Variants in LRRTM4 observed in about 807,000 individuals in gnomAD.
LRRTM4 encodes leucine rich repeat transmembrane neuronal 4.
Under a neutral mutation model 47.6 loss-of-function variants are expected in LRRTM4, and 25 were observed. The observed-to-expected ratio is 0.53, with a 90% CI of 0.38 to 0.73. The LOEUF (loss-of-function observed/expected upper bound fraction) is 0.73. Ranked by LOEUF, LRRTM4 falls within the 30% of genes least tolerant of loss-of-function variation. The pLI is 0.00. For synonymous variants in LRRTM4, 311 were observed against 269.5 expected (o/e 1.15, Z -1.51); for missense variants, 638 against 713.4 (o/e 0.89, Z 1.20).
At chr2:77,343,033 C>A (rs1327632861) in intron 3 of LRRTM4, among the ~76,000 whole-genome samples, 1 of 151,916 alleles carries the variant, frequency 6.6e-6, no homozygotes, top group East Asian at 1.9e-4. Context: ...TGCAGTAAGA[C>A]AGTTTGAAGT....
At chr2:77,496,635 A>T (rs1230439486) in intron 3 of LRRTM4, among the ~76,000 whole-genome samples, 3 of 151,766 alleles carry the variant, frequency 2.0e-5, no homozygotes, top group Non-Finnish European at 4.4e-5. Context: ...TGCTATACTG[A>T]CCTAGCATTC....
intron 3 of LRRTM4, chr2:77,517,180 G>C (rs561410216): frequency 1.0e-6 from 1 of 984,922 alleles, no homozygotes; most frequent in Non-Finnish European, 1.2e-6. Flanking sequence ...TGAAATTTGT[G>C]ACTATTTGTC....
intron 3 of LRRTM4, among the ~76,000 whole-genome samples, chr2:77,195,110 C>T (rs1234902873): frequency 6.6e-6 from 1 of 151,736 alleles, no homozygotes; most frequent in Non-Finnish European, 1.5e-5. Context: ...AACAATATCC[C>T]TTTGGTTTCA....
chr2:77,021,467 A>G (rs1460967909), intron 3 of LRRTM4, among the ~76,000 whole-genome samples: 2 of 152,176 alleles, frequency 1.3e-5, no homozygotes, highest in Admixed American at 6.5e-5. Context: ...TGCCCATGTG[A>G]CATATTTTGG....
chr2:76,845,625 C>T (rs1671816591), intron 3 of LRRTM4, among the ~76,000 whole-genome samples: 1 of 152,124 alleles, frequency 6.6e-6, no homozygotes, highest in Non-Finnish European at 1.5e-5. Context: ...ATATATTCTT[C>T]TGTATTAAGG....
intron 3 of LRRTM4, among the ~76,000 whole-genome samples, chr2:76,992,605 C>A (rs569952319): frequency 5.3e-5 from 8 of 151,576 alleles, no homozygotes; most frequent in South Asian, 4.1e-4. Flanking sequence ...CTACAAAACA[C>A]TGCTGAAAGA....
At chr2:77,359,987 A>G (rs1170641428) in intron 3 of LRRTM4, among the ~76,000 whole-genome samples, 1 of 152,166 alleles carries the variant, frequency 6.6e-6, no homozygotes, top group Admixed American at 6.5e-5. Flanking sequence ...TAGAACATGA[A>G]GTCTTCTCTG....
chr2:76,790,930 G>A (rs1674938822), intron 3 of LRRTM4, among the ~76,000 whole-genome samples: 1 of 152,136 alleles, frequency 6.6e-6, no homozygotes, highest in South Asian at 2.1e-4. Flanking sequence ...AGCTGTTATA[G>A]TGGAAGAATG....
intron 3 of LRRTM4, among the ~76,000 whole-genome samples, chr2:77,125,549 A>C (rs905031675): frequency 1.3e-5 from 2 of 152,204 alleles, no homozygotes; most frequent in Admixed American, 1.3e-4. Flanking sequence ...AAAGTAAACG[A>C]GGACCATCTT....
At chr2:77,095,285 C>A (rs1260706501) in intron 3 of LRRTM4, among the ~76,000 whole-genome samples, 1 of 152,042 alleles carries the variant, frequency 6.6e-6, no homozygotes, top group Non-Finnish European at 1.5e-5. Flanking sequence ...TGTGGAGGAA[C>A]CTCTGTATCT....
chr2:77,170,779 C>A (rs1001220747), intron 3 of LRRTM4, among the ~76,000 whole-genome samples: 1 of 93,366 alleles, frequency 1.1e-5, no homozygotes, highest in Non-Finnish European at 2.4e-5. Context: ...ATAGGAATTT[C>A]TTTCTTAGTT....
intron 3 of LRRTM4, among the ~76,000 whole-genome samples, chr2:77,149,877 T>A (rs918961345): frequency 6.6e-6 from 1 of 152,144 alleles, no homozygotes; most frequent in Non-Finnish European, 1.5e-5. Context: ...CTGATAGAGC[T>A]CTCTCCTTGG....
chr2:77,016,420 C>A (rs111376956), intron 3 of LRRTM4, among the ~76,000 whole-genome samples: 2 of 149,910 alleles, frequency 1.3e-5, no homozygotes, highest in African/African-American at 4.9e-5. Flanking sequence ...AGAAGATGGG[C>A]AAAAGAAACA....
chr2:77,228,845 A>T (rs575450446), intron 3 of LRRTM4, among the ~76,000 whole-genome samples: 10 of 152,166 alleles, frequency 6.6e-5, no homozygotes, highest in Non-Finnish European at 1.5e-4. Context: ...ACATCTGGGA[A>T]TTACCTTAGA....
At chr2:77,331,079 C>G (rs1670955235) in intron 3 of LRRTM4, among the ~76,000 whole-genome samples, 2 of 152,058 alleles carry the variant, frequency 1.3e-5, no homozygotes, top group African/African-American at 4.8e-5. Flanking sequence ...AAAGGTGCAA[C>G]TGGTGGGTGG....
chr2:77,338,317 G>A (rs763620274), intron 3 of LRRTM4, among the ~76,000 whole-genome samples: 5 of 151,792 alleles, frequency 3.3e-5, no homozygotes, highest in African/African-American at 7.3e-5. Context: ...CTACAGAAAG[G>A]GAGAAAATAC....
intron 3 of LRRTM4, among the ~76,000 whole-genome samples, chr2:76,888,488 CT>C (rs1446338578): frequency 6.6e-6 from 1 of 151,164 alleles, no homozygotes; most frequent in Non-Finnish European, 1.5e-5. Context: ...ATAAGTTTTC[CT>C]TTTTAAAATA....
At position 77,225,130 on chromosome 2, in the gene LRRTM4, G is replaced by A. The variant is rs189368988; in HGVS notation, c.1551+293188C>T. Among the ~76,000 whole-genome samples the A allele has an allele frequency of 1.9e-3, 275 of 145,488 alleles. 3 individuals carry two copies. Among genetic ancestry groups the A allele is most frequent in the African/African-American group, 6.7e-3 (262 of 39,328 alleles). ...ATCACAAGGACAAAAAGCAAACACC[G>A]CATGTTCTCACTCATAGGTGGGAAT... On this transcript the variant is annotated intron_variant, in intron 3 of 3. Transcript: ENST00000409884.
At chr2:77,121,354 A>G (rs943307630) in intron 3 of LRRTM4, among the ~76,000 whole-genome samples, 1 of 151,860 alleles carries the variant, frequency 6.6e-6, no homozygotes, top group Non-Finnish European at 1.5e-5. Context: ...AGACAAGAAC[A>G]TAGCATAATA....
Sources: allele counts gnomAD v4.1 joint callset (sites outside exome capture counted in the v4.1 genomes callset), GRCh38; gene constraint gnomAD v4.1.1; transcripts MANE v1.5; gene names NCBI Gene and HGNC (gene_info 2026-07-23, HGNC 2026-07-21).